IL15: variants seen among roughly 807,000 people sequenced by gnomAD.
IL15 encodes interleukin 15.
IL15 carries 11 observed loss-of-function variants against 19.6 expected under a neutral mutation model. That is an observed-to-expected ratio of 0.56 (90% CI 0.35 to 0.93). The LOEUF is 0.93. Among genes scored for constraint, IL15 ranks in the 40% least tolerant of loss-of-function variants. The probability of loss-of-function intolerance (pLI) is 0.01; values close to 1 mark genes in which losing one functional copy is unlikely to be tolerated. For missense variants in IL15, 197 were observed against 186.5 expected (o/e 1.06, Z -0.33); for synonymous variants, 58 against 59.6 (o/e 0.97, Z 0.12).
intron 1 of IL15, among the ~76,000 whole-genome samples, chr4:141,654,610 A>G (rs1041601365): frequency 3.3e-5 from 5 of 152,200 alleles, no homozygotes; most frequent in African/African-American, 7.2e-5. Context: ...AAGGTCAGAC[A>G]TAAGTTTTCC....
intron 2 of IL15, among the ~76,000 whole-genome samples, chr4:141,669,014 A>G (rs569325600): frequency 1.3e-5 from 2 of 152,166 alleles, no homozygotes; most frequent in African/African-American, 2.4e-5. Flanking sequence ...TGTCATCTTA[A>G]TGGCAATCTG....
At chr4:141,712,515 T>A (rs1464015768) in intron 2 of IL15, among the ~76,000 whole-genome samples, 1 of 151,604 alleles carries the variant, frequency 6.6e-6, no homozygotes, top group Admixed American at 6.6e-5. Context: ...ATATATCCCC[T>A]CCAGCTACAT....
At chr4:141,664,745 G>T (rs1464322621) in intron 2 of IL15, among the ~76,000 whole-genome samples, 1 of 152,158 alleles carries the variant, frequency 6.6e-6, no homozygotes, top group Non-Finnish European at 1.5e-5. Flanking sequence ...GAATAGAAAT[G>T]GTTGCCTACA....
At chr4:141,697,836 C>T (rs1392296386) in intron 2 of IL15, among the ~76,000 whole-genome samples, 1 of 151,732 alleles carries the variant, frequency 6.6e-6, no homozygotes, top group Non-Finnish European at 1.5e-5. Context: ...ATTTCTTTCT[C>T]TTGTCTGATT....
At chr4:141,657,904 A>G (rs1727661482) in intron 2 of IL15, among the ~76,000 whole-genome samples, 1 of 152,274 alleles carries the variant, frequency 6.6e-6, no homozygotes, top group Non-Finnish European at 1.5e-5. Context: ...AACCAGCAAC[A>G]TAGTTATAAT....
chr4:141,665,237 A>G (rs1156881880), intron 2 of IL15, among the ~76,000 whole-genome samples: 1 of 152,082 alleles, frequency 6.6e-6, no homozygotes, highest in Non-Finnish European at 1.5e-5. Context: ...AAGAAACATT[A>G]CTATATTTTA....
intron 1 of IL15, among the ~76,000 whole-genome samples, chr4:141,640,745 C>T (rs1727015157): frequency 6.6e-6 from 1 of 152,170 alleles, no homozygotes; most frequent in African/African-American, 2.4e-5. Flanking sequence ...GGGCAGAAGA[C>T]TCTATGTAGA....
chr4:141,658,641 C>A, intron 2 of IL15, among the ~76,000 whole-genome samples: 1 of 150,558 alleles, frequency 6.6e-6, no homozygotes, highest in African/African-American at 2.5e-5. Flanking sequence ...TCAAGATAAA[C>A]AGTAGAATAA....
rs2152195468 is a variant in IL15 at position 141,733,765 on chromosome 4, C to T, written c.*917C>T. The T allele has an allele frequency of 6.6e-6, 1 of 152,260 alleles. No homozygotes were observed. Among genetic ancestry groups the T allele is most frequent in the African/African-American group, 2.4e-5 (1 of 41,568 alleles). The allele number at this position is 152,260 out of a possible 1,614,324, so 9.4% of individuals were successfully genotyped here. On this transcript the variant is annotated 3_prime_UTR_variant, in exon 8 of 8. Transcript: ENST00000320650. ...ACTAATAGTGACAGTGTTCATATTT[C>T]ATGCTTTCCCAAATACAGGTATTTT...
rs368654668 is a variant in IL15, at chr4:141,727,984, C to T, written c.240C>T (p.His80=). 3.3e-5 allele frequency: 44 copies of T among 1,321,792 alleles called. No individual in the cohort carries two copies. The highest frequency in any genetic ancestry group is 6.4e-5 in the South Asian group (5 of 77,924). The allele number at this position is 1,321,792 out of a possible 1,614,324, so 81.9% of individuals were successfully genotyped here. ...DATLYTESDV[H]PSCKVTAMKC... ...CTTTATATACGGAAAGTGATGTTCA[C>T]GTGAGTATACTTTTTTTCAAAATTG... Residue 80 remains histidine (H), a splice_region_variant and synonymous_variant, in exon 6 of 8, where the codon CAC becomes CAT. Coordinates refer to ENST00000320650, the MANE Select transcript of IL15 (RefSeq NM_000585.5).
At chr4:141,688,013 T>G (rs1450126265) in intron 2 of IL15, among the ~76,000 whole-genome samples, 53 of 152,292 alleles carry the variant, frequency 3.5e-4, no homozygotes, top group Non-Finnish European at 4.4e-5. Context: ...AAGACGACAG[T>G]TCTCTCTGGG....
intron 2 of IL15, among the ~76,000 whole-genome samples, chr4:141,711,272 AT>A (rs1729709037): frequency 6.6e-6 from 1 of 152,192 alleles, no homozygotes; most frequent in South Asian, 2.1e-4. Context: ...ATCTTATGAA[AT>A]TATACTGGCA....
At chr4:141,670,747 C>T (rs1728146402) in intron 2 of IL15, among the ~76,000 whole-genome samples, 3 of 152,044 alleles carry the variant, frequency 2.0e-5, no homozygotes, top group Admixed American at 2.0e-4. Context: ...ATGCAGAGTG[C>T]AGATTACAGA....
intron 2 of IL15, among the ~76,000 whole-genome samples, chr4:141,698,525 G>C (rs1427945997): frequency 6.6e-6 from 1 of 151,698 alleles, no homozygotes; most frequent in Admixed American, 6.6e-5. Flanking sequence ...TTAGTTATTG[G>C]TCTGCTCAGG....
At position 141,719,357 on chromosome 4, in the gene IL15, T is replaced by C; in HGVS notation, c.-99-9T>C. On this transcript the variant is annotated splice_polypyrimidine_tract_variant and intron_variant, in intron 2 of 7. Transcript: ENST00000320650. The stretch of plus-strand genomic sequence containing the variant: ...ACTTGTGTTTTTAATGGATCATACT[T>C]TACCCTAGATTGTATTGTAGGAGGC... 3 of 633,916 alleles carry C rather than the reference T, an allele frequency of 4.7e-6. No homozygotes were observed. Among genetic ancestry groups the C allele is most frequent in the South Asian group, 4.2e-5 (2 of 47,262 alleles). 39.3% of individuals were successfully genotyped at this position (633,916 alleles called of 1,614,324 possible). A position where few individuals can be genotyped will look rare whatever the true frequency, so the allele number is the denominator to read the frequency against.
chr4:141,638,549 G>C (rs748411748), intron 1 of IL15, among the ~76,000 whole-genome samples: 3 of 152,204 alleles, frequency 2.0e-5, no homozygotes, highest in Non-Finnish European at 4.4e-5. Flanking sequence ...TTTTCCTGCA[G>C]ACTACTGGTG....
chr4:141,730,639 C>T (rs1730421454), intron 7 of IL15, among the ~76,000 whole-genome samples: 2 of 151,958 alleles, frequency 1.3e-5, no homozygotes, highest in African/African-American at 4.8e-5. Context: ...CTGGGACATC[C>T]CAGGCAACTT....
At chr4:141,637,390 G>T (rs953821171) in intron 1 of IL15, among the ~76,000 whole-genome samples, 2 of 152,058 alleles carry the variant, frequency 1.3e-5, no homozygotes, top group Non-Finnish European at 2.9e-5. Flanking sequence ...AATGGTCAGT[G>T]CTTGGCAGTC....
chr4:141,719,607 T>G (rs746484478), intron 3 of IL15, 131 bp downstream of exon 3: 1 of 681,044 alleles, frequency 1.5e-6, no homozygotes, highest in Non-Finnish European at 2.4e-6. Context: ...CTGTTCACAT[T>G]TGGATTGTTC....
Sources: allele counts gnomAD v4.1 joint callset (sites outside exome capture counted in the v4.1 genomes callset), GRCh38; gene constraint gnomAD v4.1.1; transcripts MANE v1.5; gene names NCBI Gene and HGNC (gene_info 2026-07-23, HGNC 2026-07-21).